HDAC9: variants seen among roughly 807,000 people sequenced by gnomAD.
HDAC9 encodes MEF-2 interacting transcription repressor (MITR) protein.
Under a neutral mutation model 139.4 loss-of-function variants are expected in HDAC9, and 41 were observed. That is an observed-to-expected ratio of 0.29 (90% CI 0.23 to 0.38). HDAC9 has a LOEUF of 0.38. HDAC9 is among the 10% of genes least tolerant of loss of function. The probability of loss-of-function intolerance (pLI) is 1.00; values close to 1 mark genes in which losing one functional copy is unlikely to be tolerated. For missense variants in HDAC9, 1,147 were observed against 1,297.0 expected, an observed-to-expected ratio of 0.88 and a Z score of 1.78; for synonymous variants, 517 against 476.2, an observed-to-expected ratio of 1.09 and a Z score of -1.12.
chr7:18,685,294 C>T (rs1782191243), intron 12 of HDAC9, among the ~76,000 whole-genome samples: 1 of 152,024 alleles, frequency 6.6e-6, no homozygotes, highest in South Asian at 2.1e-4. Flanking sequence ...TTTCCACTTA[C>T]CCATGGGAAG....
Position 18,358,542 on chromosome 7 carries a change from G to A in HDAC9, c.-42+68027G>A, listed in dbSNP as rs539404952. ...GCAATTTAAGCAACTTCGAATGAGT[G>A]TTTTCTCTCTGAGGGTTGGAATTTG... On this transcript the variant is annotated intron_variant, in intron 1 of 3. Transcript: ENST00000413509. Among the ~76,000 whole-genome samples, 39 of 152,290 alleles carry A rather than the reference G, an allele frequency of 2.6e-4. 1 individual carries two copies. Among genetic ancestry groups the A allele is most frequent in the Admixed American group, 2.5e-3 (39 of 15,302 alleles).
chr7:18,138,379 A>C (rs890545144), intron 1 of HDAC9, among the ~76,000 whole-genome samples: 4 of 152,002 alleles, frequency 2.6e-5, no homozygotes, highest in Admixed American at 6.6e-5. Context: ...AAGACATCAG[A>C]ATGAGATCTA....
rs553338204 is a variant in HDAC9 at position 18,958,987 on chromosome 7, C to T, written c.3022+4757C>T. 2.6e-5 allele frequency among the ~76,000 whole-genome samples: 4 copies of T among 152,288 alleles called. No homozygotes were observed. The South Asian group carries it at 8.3e-4, about 32-fold the overall frequency. On this transcript the variant is annotated intron_variant, in intron 24 of 25. Coordinates refer to ENST00000686413, the MANE Select transcript of HDAC9 (RefSeq NM_178425.4). The stretch of plus-strand genomic sequence containing the variant: ...TTGGCTAACTGGCTGTAATAATCAA[C>T]AAGTGATGCCAGTAACGAGTCAGCC...
intron 17 of HDAC9, among the ~76,000 whole-genome samples, chr7:18,806,116 T>A (rs1793683710): frequency 7.0e-6 from 1 of 143,614 alleles, no homozygotes; most frequent in African/African-American, 2.6e-5. Flanking sequence ...ACTGAAAAGC[T>A]GTGGAATACA....
At chr7:18,477,926 C>T (rs184954749) in intron 1 of HDAC9, among the ~76,000 whole-genome samples, 164 of 151,956 alleles carry the variant, frequency 1.1e-3, no homozygotes, top group Admixed American at 2.6e-3. Context: ...GTTTGCCTAC[C>T]ACAACTATAC....
At chr7:18,937,849 C>T (rs1781750756) in intron 23 of HDAC9, among the ~76,000 whole-genome samples, 1 of 152,174 alleles carries the variant, frequency 6.6e-6, no homozygotes, top group African/African-American at 2.4e-5. Context: ...ATTTTACTGG[C>T]TTTCTTTGAA....
chr7:18,939,515 T>G (rs1334510121), intron 23 of HDAC9, among the ~76,000 whole-genome samples: 1 of 152,182 alleles, frequency 6.6e-6, no homozygotes, highest in African/African-American at 2.4e-5. Flanking sequence ...TCACTTTCAT[T>G]GACAATATAA....
intron 9 of HDAC9, 60 bp downstream of exon 9, chr7:18,644,853 C>T: frequency 6.5e-7 from 1 of 1,529,078 alleles, no homozygotes; most frequent in Non-Finnish European, 8.8e-7. Context: ...CACAGGGGAA[C>T]TCTCTTTCGT....
At chr7:18,906,317 G>A (rs778958617) in intron 22 of HDAC9, among the ~76,000 whole-genome samples, 5 of 151,626 alleles carry the variant, frequency 3.3e-5, no homozygotes, top group Admixed American at 6.6e-5. Flanking sequence ...GCTAATTTTT[G>A]TATTTTTAGT....
At chr7:18,327,583 A>G (rs766595453) in intron 1 of HDAC9, 1 of 151,900 alleles carries the variant, frequency 6.6e-6, no homozygotes, top group Non-Finnish European at 1.5e-5. Context: ...GCTAAAAAAA[A>G]CTGAGAAAAA....
intron 1 of HDAC9, among the ~76,000 whole-genome samples, chr7:18,367,947 T>C (rs1185647822): frequency 6.6e-6 from 1 of 152,138 alleles, no homozygotes; most frequent in Non-Finnish European, 1.5e-5. Context: ...AACTTATTGA[T>C]TTGATACTTA....
chr7:18,452,645 G>T (rs138263807), intron 1 of HDAC9, among the ~76,000 whole-genome samples: 2 of 152,166 alleles, frequency 1.3e-5, no homozygotes, highest in Admixed American at 6.5e-5. Flanking sequence ...TGGACTCAGT[G>T]GGAGGTAATT....
chr7:18,733,792 GTT>G (rs1177813177), intron 13 of HDAC9, among the ~76,000 whole-genome samples: 1 of 152,018 alleles, frequency 6.6e-6, no homozygotes, highest in Admixed American at 6.6e-5. Context: ...TGGGACACAA[GTT>G]TTTTGTCTGA....
intron 6 of HDAC9, among the ~76,000 whole-genome samples, chr7:18,599,562 T>C (rs758688766): frequency 3.3e-5 from 5 of 152,238 alleles, no homozygotes; most frequent in Non-Finnish European, 7.3e-5. Flanking sequence ...TGTGGCCTTT[T>C]CAAACTGGCT....
intron 17 of HDAC9, among the ~76,000 whole-genome samples, chr7:18,801,711 A>T (rs1333919518): frequency 6.6e-6 from 1 of 152,010 alleles, no homozygotes; most frequent in Non-Finnish European, 1.5e-5. Flanking sequence ...GAGCCTTGTT[A>T]TTTAGGAAGA....
chr7:18,612,980 A>T (rs956560723), intron 6 of HDAC9, among the ~76,000 whole-genome samples: 5 of 151,202 alleles, frequency 3.3e-5, no homozygotes, highest in African/African-American at 1.2e-4. Context: ...TTGTTGGAAG[A>T]AATTTTATTA....
At chr7:18,934,914 C>G (rs570191693) in intron 22 of HDAC9, among the ~76,000 whole-genome samples, 2 of 152,232 alleles carry the variant, frequency 1.3e-5, no homozygotes, top group East Asian at 3.9e-4. Flanking sequence ...AACCAACTCT[C>G]TGCCAATAGA....
intron 17 of HDAC9, among the ~76,000 whole-genome samples, chr7:18,822,266 C>T (rs536504385): frequency 6.6e-6 from 1 of 152,176 alleles, no homozygotes; most frequent in Non-Finnish European, 1.5e-5. Context: ...GAGCCCCCAG[C>T]CCCCAGTCAT....
chr7:18,976,358 G>A (rs1395266461), intron 25 of HDAC9, among the ~76,000 whole-genome samples: 1 of 152,198 alleles, frequency 6.6e-6, no homozygotes, highest in African/African-American at 2.4e-5. Context: ...CAAAGAGAAA[G>A]AGGAGAGTAG....
Sources: allele counts gnomAD v4.1 joint callset (sites outside exome capture counted in the v4.1 genomes callset), GRCh38; gene constraint gnomAD v4.1.1; transcripts MANE v1.5; gene names NCBI Gene and HGNC (gene_info 2026-07-23, HGNC 2026-07-21).